Variants in TECRL observed in about 807,000 individuals in gnomAD.
TECRL encodes the protein trans-2,3-enoyl-CoA reductase-like.
TECRL carries 63 observed loss-of-function variants against 52.8 expected under a neutral mutation model. The ratio of observed to expected loss-of-function variants is 1.19; its 90% CI spans 0.97 to 1.47. TECRL has a LOEUF of 1.47. Among genes scored for constraint, TECRL ranks in the 40% most tolerant of loss-of-function variants. TECRL has a pLI of 0.00. For missense variants in TECRL, 482 were observed against 429.6 expected (o/e 1.12, Z -1.08); for synonymous variants, 164 against 141.9 (o/e 1.16, Z -1.10).
At position 64,307,130 on chromosome 4, in the gene TECRL, C is replaced by T. The variant is rs549456333; in HGVS notation, c.658-1892G>A. 4.6e-5 allele frequency among the ~76,000 whole-genome samples: 7 copies of T among 152,260 alleles called. No homozygotes were observed. In the South Asian group the frequency reaches 1.5e-3, roughly 32 times the overall value. On this transcript the variant is annotated intron_variant, in intron 6 of 11. Transcript: ENST00000381210. ...GAAGGGGCTAGTTTTGGAGGTCAGT[C>T]ACTTTCATTTCCTTGAATGCTATGA...
At chr4:64,358,939 TTGA>T (rs1257526767) in intron 2 of TECRL, among the ~76,000 whole-genome samples, 5 of 151,878 alleles carry the variant, frequency 3.3e-5, no homozygotes, top group African/African-American at 1.2e-4. Context: ...ATCAACTATA[TTGA>T]TGAGAATATC....
Position 64,385,655 on chromosome 4 carries a change from G to C in TECRL, c.235-10432C>G, listed in dbSNP as rs567419843. Among the ~76,000 whole-genome samples the C allele has an allele frequency of 4.9e-3, 748 of 152,224 alleles. 3 individuals carry two copies. Among genetic ancestry groups the C allele is most frequent in the Non-Finnish European group, 6.9e-3 (471 of 68,006 alleles). On this transcript the variant is annotated intron_variant, in intron 1 of 11. Coordinates refer to ENST00000381210, the MANE Select transcript of TECRL (RefSeq NM_001010874.5). Reference sequence around the variant, plus strand: ...GCAGGGGTTGTTGGGCCCCAAGGCAGGATATAATTTACTGGGGACTGAGCT... The same window carrying C: ...GCAGGGGTTGTTGGGCCCCAAGGCACGATATAATTTACTGGGGACTGAGCT...
At chr4:64,402,909 T>C (rs1724452369) in intron 1 of TECRL, among the ~76,000 whole-genome samples, 1 of 152,124 alleles carries the variant, frequency 6.6e-6, no homozygotes, top group Admixed American at 6.6e-5. Context: ...TCTCCCTAAA[T>C]CACTCTGCCT....
At chr4:64,302,428 A>G (rs963133684) in intron 7 of TECRL, among the ~76,000 whole-genome samples, 5 of 151,374 alleles carry the variant, frequency 3.3e-5, no homozygotes, top group African/African-American at 7.2e-5. Flanking sequence ...CGAAAAAACA[A>G]CAACAGAAAA....
intron 1 of TECRL, among the ~76,000 whole-genome samples, chr4:64,389,774 C>T (rs1483284): frequency 0.89 from 135,423 of 151,796 alleles, 61,182 homozygotes; most frequent in East Asian, 1. Context: ...AATTTTTAAA[C>T]AAATATATGC....
In TECRL at chr4:64,340,184, G is replaced by A. The variant is rs140777477; in HGVS notation, c.287-11628C>T. On this transcript the variant is annotated intron_variant, in intron 2 of 11. Transcript: ENST00000381210. The stretch of plus-strand genomic sequence containing the variant: ...GAGCTGGCAGAAGCCAGGAAAAAGC[G>A]GGAGATTCACCCCTTATAAGTAGGG... 8.1e-3 allele frequency among the ~76,000 whole-genome samples: 1,228 copies of A among 152,292 alleles called. 20 individuals are homozygous for A. Among genetic ancestry groups the A allele is most frequent in the African/African-American group, 0.027 (1,142 of 41,550 alleles).
At chr4:64,280,273 G>T in intron 11 of TECRL, 74 bp from the exon 12 acceptor site, 1 of 1,136,764 alleles carries the variant, frequency 8.8e-7, no homozygotes, top group Non-Finnish European at 1.2e-6. Context: ...AGGATCCCTA[G>T]CATGTTTAGC....
rs11318611 is a variant in TECRL at position 64,349,065 on chromosome 4, CAA to C, written c.287-20511_287-20510del. Among the ~76,000 whole-genome samples the C allele has an allele frequency of 7.8e-3, 996 of 128,398 alleles. 8 individuals are homozygous for C. Among genetic ancestry groups the C allele is most frequent in the South Asian group, 0.017 (71 of 4,268 alleles). 84.2% of individuals were successfully genotyped at this position (128,398 alleles called of 152,430 possible). A position where few individuals can be genotyped will look rare whatever the true frequency, so the allele number is the denominator to read the frequency against. ...TTTACTAGAGGCTTTTTGGAAATTACAAAAAAAAAAAAAACCTAAAATTTTCA... is the reference window on the plus strand; with the variant it reads ...TTTACTAGAGGCTTTTTGGAAATTACAAAAAAAAAAAACCTAAAATTTTCA... On this transcript the variant is annotated intron_variant, in intron 2 of 11. Coordinates refer to ENST00000381210, the MANE Select transcript of TECRL (RefSeq NM_001010874.5).
chr4:64,338,448 C>A (rs909780716), intron 2 of TECRL, among the ~76,000 whole-genome samples: 3 of 152,144 alleles, frequency 2.0e-5, no homozygotes, highest in South Asian at 2.1e-4. Flanking sequence ...TAATTAAACT[C>A]AAGAGCTTCT....
chr4:64,283,463 C>A (rs180828881), intron 9 of TECRL, among the ~76,000 whole-genome samples: 6 of 152,144 alleles, frequency 3.9e-5, no homozygotes, highest in Admixed American at 1.3e-4. Flanking sequence ...TACAGGGTAG[C>A]AATCCAAGTG....
At chr4:64,298,852 T>C (rs1213771167) in intron 8 of TECRL, 1 of 151,220 alleles carries the variant, frequency 6.6e-6, no homozygotes, top group Non-Finnish European at 1.5e-5. Context: ...TCAGATTTAC[T>C]GAGTAGTTAA....
At chr4:64,290,445 G>T (rs918061402) in intron 8 of TECRL, among the ~76,000 whole-genome samples, 1 of 152,038 alleles carries the variant, frequency 6.6e-6, no homozygotes, top group African/African-American at 2.4e-5. Flanking sequence ...TTTAACATAA[G>T]CTATGTATTT....
chr4:64,402,388 T>C (rs1724414293), intron 1 of TECRL, among the ~76,000 whole-genome samples: 1 of 152,032 alleles, frequency 6.6e-6, no homozygotes, highest in South Asian at 2.1e-4. Flanking sequence ...ATTAAAATAG[T>C]AGGTTGGGCA....
At chr4:64,330,070 A>G (rs2348505) in intron 2 of TECRL, among the ~76,000 whole-genome samples, 31,953 of 151,770 alleles carry the variant, frequency 0.21, 3,535 homozygotes, top group East Asian at 0.3. Context: ...AAAAAATCAG[A>G]GAAACATCTA....
chr4:64,314,905 C>A lies in TECRL; in HGVS notation c.436-142G>T, dbSNP rs554900602. 8 of 647,006 alleles carry A rather than the reference C, an allele frequency of 1.2e-5. No individual in the cohort carries two copies. In the Admixed American group the frequency reaches 1.4e-4, roughly 12 times the overall value. 40.1% of individuals were successfully genotyped at this position (647,006 alleles called of 1,614,324 possible). A position where few individuals can be genotyped will look rare whatever the true frequency, so the allele number is the denominator to read the frequency against. ...CTAGATTAAGTGATATTGCAAATAA[C>A]GACTTCCTTGGAAGAACCAGGGGGA... is the stretch of plus-strand genomic sequence containing the variant. On this transcript the variant is annotated intron_variant, in intron 4 of 11. Transcript: ENST00000381210.
chr4:64,323,723 A>C (rs1438577671), intron 3 of TECRL, among the ~76,000 whole-genome samples: 1 of 152,200 alleles, frequency 6.6e-6, no homozygotes, highest in East Asian at 1.9e-4. Context: ...CATAGCCTAG[A>C]TTCAACTTCT....
chr4:64,386,583 T>A (rs891804801), intron 1 of TECRL, among the ~76,000 whole-genome samples: 21 of 152,156 alleles, frequency 1.4e-4, no homozygotes, highest in African/African-American at 5.1e-4. Flanking sequence ...TAATTTTTCT[T>A]TTGCTTATTA....
intron 2 of TECRL, among the ~76,000 whole-genome samples, chr4:64,347,420 G>A (rs1384738318): frequency 6.6e-6 from 1 of 152,092 alleles, no homozygotes; most frequent in African/African-American, 2.4e-5. Context: ...ATGCCTAATG[G>A]CCTTAAAATC....
At chr4:64,372,104 T>G (rs1447198479) in intron 2 of TECRL, among the ~76,000 whole-genome samples, 3 of 151,844 alleles carry the variant, frequency 2.0e-5, no homozygotes, top group Non-Finnish European at 4.4e-5. Context: ...ATGGAATACT[T>G]GTGAGCAGAT....
Sources: allele counts gnomAD v4.1 joint callset (sites outside exome capture counted in the v4.1 genomes callset), GRCh38; gene constraint gnomAD v4.1.1; transcripts MANE v1.5; gene names NCBI Gene and HGNC (gene_info 2026-07-23, HGNC 2026-07-21).